The following SASH1 variants were observed in gnomAD, a reference collection of about 807,000 sequenced individuals.
SASH1 encodes the protein SAM and SH3 domain containing 1, also known as SAM and SH3 domain-containing protein 1.
SASH1 carries 44 observed loss-of-function variants against 125.2 expected under a neutral mutation model. The observed-to-expected ratio is 0.35, with a 90% CI of 0.28 to 0.45. The LOEUF (loss-of-function observed/expected upper bound fraction) is 0.45. Among genes scored for constraint, SASH1 ranks in the 20% least tolerant of loss-of-function variants. SASH1 has a pLI of 1.00. For synonymous variants in SASH1, 639 were observed against 649.1 expected (o/e 0.98, Z 0.24); for missense variants, 1,426 against 1,614.5 (o/e 0.88, Z 2.00).
At chr6:148,394,300 A>G (rs1783857622) in intron 2 of SASH1, among the ~76,000 whole-genome samples, 1 of 152,174 alleles carries the variant, frequency 6.6e-6, no homozygotes, top group African/African-American at 2.4e-5. Context: ...TGTCACTCAC[A>G]TGGCTCCAAA....
intron 2 of SASH1, among the ~76,000 whole-genome samples, chr6:148,397,951 C>G (rs557818446): frequency 6.6e-6 from 1 of 152,186 alleles, no homozygotes; most frequent in South Asian, 2.1e-4. Context: ...TGCAGGAGTA[C>G]AGAAGAGGGT....
chr6:148,281,658 C>T (rs182947261), intron 1 of SASH1, among the ~76,000 whole-genome samples: 1 of 152,230 alleles, frequency 6.6e-6, no homozygotes, highest in African/African-American at 2.4e-5. Flanking sequence ...CGCGGTGGCT[C>T]ACGCCTGTAA....
chr6:148,279,901 TG>T (rs1779288978), intron 1 of SASH1, among the ~76,000 whole-genome samples: 1 of 151,058 alleles, frequency 6.6e-6, no homozygotes, highest in African/African-American at 2.4e-5. Flanking sequence ...ACAGGAGAAT[TG>T]CTTGAACCTG....
At chr6:148,307,858 C>T (rs1780185829) in intron 1 of SASH1, among the ~76,000 whole-genome samples, 3 of 152,040 alleles carry the variant, frequency 2.0e-5, no homozygotes, top group Admixed American at 2.0e-4. Flanking sequence ...ATTTGCACGA[C>T]AAATATATTT....
the SASH1 span, chr6:148,239,896 G>A: frequency 6.6e-6 from 1 of 152,174 alleles, no homozygotes; most frequent in Non-Finnish European, 1.5e-5. Context: ...ACACTCGGGT[G>A]CTCACACACA....
rs564451004 is a variant in SASH1, at chr6:148,498,333, C to T, written c.729+10618C>T. Among the ~76,000 whole-genome samples the T allele has an allele frequency of 2.6e-5, 4 of 151,234 alleles. No individual in the cohort carries two copies. The South Asian group carries it at 8.4e-4, about 32-fold the overall frequency. ...GGCTGAGGCGGGAGGATTGCCTGAA[C>T]GAGGCTGTAGTGAGCTGTGTTCATG... On this transcript the variant is annotated intron_variant, in intron 8 of 19. Transcript: ENST00000367467.
chr6:148,437,684 A>G (rs1357524370), intron 2 of SASH1, among the ~76,000 whole-genome samples: 1 of 152,214 alleles, frequency 6.6e-6, no homozygotes, highest in African/African-American at 2.4e-5. Context: ...TAGCCACTAC[A>G]CTCCAGTGTG....
intron 4 of SASH1, among the ~76,000 whole-genome samples, chr6:148,453,818 G>T (rs187469305): frequency 4.3e-4 from 66 of 152,334 alleles, no homozygotes; most frequent in Non-Finnish European, 2.8e-4. Context: ...GGTGAACCCC[G>T]CTTGGGGGAT....
At chr6:148,525,235 C>T in intron 10 of SASH1, 56 bp from the exon 11 acceptor site, 8 of 1,380,424 alleles carry the variant, frequency 5.8e-6, no homozygotes, top group Non-Finnish European at 8.3e-6. Context: ...GGTTGGTGCA[C>T]TGCCGGCTGG....
chr6:148,395,859 A>G (rs1374587401), intron 2 of SASH1, among the ~76,000 whole-genome samples: 1 of 152,188 alleles, frequency 6.6e-6, no homozygotes, highest in African/African-American at 2.4e-5. Context: ...ATGGTCAGGA[A>G]AGTACTCAAG....
chr6:148,315,493 G>A (rs181963216), intron 1 of SASH1, among the ~76,000 whole-genome samples: 83 of 152,226 alleles, frequency 5.5e-4, no homozygotes, highest in African/African-American at 1.8e-3. Flanking sequence ...TTAAAAGACC[G>A]TACTTTTTTA....
At chr6:148,356,671 TCTCGAGCTCCTGACCTCAGGTGATC>T (rs1217568357) in intron 1 of SASH1, among the ~76,000 whole-genome samples, 1 of 152,002 alleles carries the variant, frequency 6.6e-6, no homozygotes, top group Non-Finnish European at 1.5e-5. Flanking sequence ...GCCAGGCTGG[TCTCGAGCTCCTGACCTCAGGTGATC>T]CTCCAGCCTT....
intron 16 of SASH1, 58 bp from the exon 17 acceptor site, chr6:148,540,385 T>C (rs1782141586): frequency 2.2e-6 from 3 of 1,371,440 alleles, no homozygotes; most frequent in Non-Finnish European, 2.1e-6. Flanking sequence ...ATCTGTTGAC[T>C]CTGAAACCTC....
intron 4 of SASH1, among the ~76,000 whole-genome samples, chr6:148,449,078 CTTTTTT>C: frequency 1.1e-5 from 1 of 88,736 alleles, no homozygotes; most frequent in Non-Finnish European, 2.3e-5. Flanking sequence ...CATTTCATTT[CTTTTTT>C]TTTTTTTTTG....
At chr6:148,198,295 ACTT>A in the SASH1 span, among the ~76,000 whole-genome samples, 2 of 152,268 alleles carry the variant, frequency 1.3e-5, no homozygotes, top group East Asian at 1.9e-4. Context: ...AGTCAATTAA[ACTT>A]CTTTCCTTTA....
At chr6:148,375,500 G>A (rs558734258) in intron 1 of SASH1, among the ~76,000 whole-genome samples, 53 of 152,050 alleles carry the variant, frequency 3.5e-4, no homozygotes, top group African/African-American at 1.3e-3. Context: ...AATAAGAACA[G>A]ATTCATGTGC....
At chr6:148,212,211 A>G in the SASH1 span, among the ~76,000 whole-genome samples, 7 of 152,210 alleles carry the variant, frequency 4.6e-5, no homozygotes, top group Non-Finnish European at 7.3e-5. Context: ...CACCCAGAGC[A>G]TCAGCAGGCA....
rs1366080370 is a variant in SASH1, at chr6:148,547,755, C to G, written c.3481-540C>G. 2.6e-5 allele frequency among the ~76,000 whole-genome samples: 4 copies of G among 152,116 alleles called. No individual in the cohort carries two copies. The East Asian group carries it at 7.7e-4, about 29-fold the overall frequency. On this transcript the variant is annotated intron_variant, in intron 19 of 19. Coordinates refer to ENST00000367467, the MANE Select transcript of SASH1 (RefSeq NM_015278.5). ...CTGAAAGGTGCAGGCCCTTTATATA[C>G]CCAGTAGTCAAGGTTAAATGTCCAC...
chr6:148,255,063 A>T, the SASH1 span, among the ~76,000 whole-genome samples: 251 of 152,342 alleles, frequency 1.6e-3, no homozygotes, highest in African/African-American at 5.9e-3. Context: ...TACAACATGG[A>T]TTAAACTTTG....
Sources: allele counts gnomAD v4.1 joint callset (sites outside exome capture counted in the v4.1 genomes callset), GRCh38; gene constraint gnomAD v4.1.1; transcripts MANE v1.5; gene names NCBI Gene and HGNC (gene_info 2026-07-23, HGNC 2026-07-21).